Variants in ADGRE1 observed in about 807,000 individuals in gnomAD.
The protein encoded by ADGRE1 is EGF-like module receptor 1.
A neutral mutation model predicts 102.7 loss-of-function variants in ADGRE1; 82 were observed. The ratio of observed to expected loss-of-function variants is 0.80; its 90% CI spans 0.67 to 0.96. The LOEUF is 0.96. Among genes scored for constraint, ADGRE1 ranks in the 40% least tolerant of loss-of-function variants. The probability of loss-of-function intolerance (pLI) is 0.00; values close to 1 mark genes in which losing one functional copy is unlikely to be tolerated. For synonymous variants in ADGRE1, 398 were observed against 399.6 expected (o/e 1.00, Z 0.05); for missense variants, 1,032 against 1,085.3 (o/e 0.95, Z 0.69).
chr19:6,928,360 T>C (rs905628409), intron 17 of ADGRE1, 149 bp downstream of exon 17: 81 of 1,510,714 alleles, frequency 5.4e-5, no homozygotes, highest in Non-Finnish European at 6.9e-5. Flanking sequence ...GCGTGGTGGC[T>C]CACGCCTGTA....
intron 10 of ADGRE1, 87 bp from the exon 11 acceptor site, chr19:6,913,566 C>T (rs897075276): frequency 1.5e-6 from 2 of 1,307,242 alleles, no homozygotes; most frequent in Admixed American, 2.6e-5. Flanking sequence ...GATGGACTCC[C>T]AGCCTATTCT....
intron 17 of ADGRE1, among the ~76,000 whole-genome samples, chr19:6,934,024 G>A (rs149412735): frequency 5.3e-4 from 81 of 152,278 alleles, no homozygotes; most frequent in Non-Finnish European, 9.8e-4. Flanking sequence ...TTGAGAACAA[G>A]CAAAGGCTGT....
At position 6,924,843 on chromosome 19, in the gene ADGRE1, C is replaced by T; in HGVS notation, c.1957C>T (p.Leu653Phe). 6.2e-7 allele frequency: 1 copy of T among 1,614,160 alleles called. No individual in the cohort carries two copies. The highest frequency in any genetic ancestry group is 8.5e-7 in the Non-Finnish European group (1 of 1,180,032). ...TCTCCTCTTGGCGAAGACTCTCTTC[C>T]TCGCCGGTATACACAAGACTGACAA... ...VCLLLAKTLF[L>F]AGIHKTDNKM... Residue 653 changes from leucine to phenylalanine, a missense_variant, in exon 15 of 21, where the codon CTC becomes TTC. Coordinates refer to ENST00000312053, the MANE Select transcript of ADGRE1 (RefSeq NM_001974.5).
chr19:6,904,574 T>C (rs1973886741), intron 8 of ADGRE1, among the ~76,000 whole-genome samples: 1 of 151,728 alleles, frequency 6.6e-6, no homozygotes, highest in Admixed American at 6.6e-5. Flanking sequence ...GGCAGGATCT[T>C]GGCTCACTGC....
chr19:6,926,404 T>G lies in ADGRE1; in HGVS notation c.2025T>G (p.Leu675=). 1.2e-6 allele frequency: 2 copies of G among 1,614,234 alleles called. No individual in the cohort carries two copies. Among genetic ancestry groups the G allele is most frequent in the Non-Finnish European group, 1.7e-6 (2 of 1,180,042 alleles). Residue 675 remains leucine (L), a synonymous_variant, in exon 16 of 21, where the codon CTT becomes CTG. Transcript: ENST00000312053. ...CAIIAGFLHY[L]FLACFFWMLV... ...TCATCGCGGGCTTCCTGCACTACCTTTTCCTTGCCTGCTTCTTCTGGATGC... is the reference window on the plus strand; with the variant it reads ...TCATCGCGGGCTTCCTGCACTACCTGTTCCTTGCCTGCTTCTTCTGGATGC...
chr19:6,896,926 A>G (rs527900858), intron 3 of ADGRE1: 103 of 560,442 alleles, frequency 1.8e-4, no homozygotes, highest in East Asian at 1.5e-3. Context: ...AGAACAAGGT[A>G]GAACTACATG....
intron 17 of ADGRE1, among the ~76,000 whole-genome samples, chr19:6,929,374 C>T (rs1975051792): frequency 6.6e-6 from 1 of 152,128 alleles, no homozygotes; most frequent in African/African-American, 2.4e-5. Flanking sequence ...TGGTTGGACC[C>T]AGTGTGACAT....
chr19:6,898,873 A>G (rs1445374178), intron 5 of ADGRE1, among the ~76,000 whole-genome samples: 1 of 152,066 alleles, frequency 6.6e-6, no homozygotes, highest in Non-Finnish European at 1.5e-5. Flanking sequence ...TTTACATGTT[A>G]GGTAGGTCTC....
rs938563666 is a variant in ADGRE1, at chr19:6,919,628, C to T, written c.1501C>T (p.Pro501Ser). ...NERFFKDHQA[P>S]LTTSEIKLKM... ...GCGCTTCTTCAAAGACCACCAGGCTCCCTTGACCACCTCTGAGATCAAGCT... is the reference window on the plus strand; with the variant it reads ...GCGCTTCTTCAAAGACCACCAGGCTTCCTTGACCACCTCTGAGATCAAGCT... Residue 501 changes from proline (P) to serine (S), a missense_variant, in exon 13 of 21, where the codon CCC becomes TCC. Physicochemically the swap from Pro to Ser is moderately conservative, Grantham distance 74. Coordinates refer to ENST00000312053, the MANE Select transcript of ADGRE1 (RefSeq NM_001974.5). The T allele has an allele frequency of 3.7e-6, 6 of 1,613,348 alleles. No individual in the cohort carries two copies. The African/African-American group carries it at 8.0e-5, about 22-fold the overall frequency.
chr19:6,922,610 TCTCACACACA>T (rs369738206), intron 14 of ADGRE1, among the ~76,000 whole-genome samples: 15,819 of 119,908 alleles, frequency 0.13, 896 homozygotes, highest in Middle Eastern at 0.24. Context: ...TGAGACTCTG[TCTCACACACA>T]CACACACACA....
Position 6,937,549 on chromosome 19 carries a change from A to C in ADGRE1, c.2556A>C (p.Arg852=), listed in dbSNP as rs1334131017. ...LIHCLLNGQV[R]EEYKRWITGK... Reference sequence around the variant, plus strand: ...TGATGTGTCTCCTTCTCCAGGTACGAGAAGAATACAAGAGGTGGATCACTG... The same window carrying C: ...TGATGTGTCTCCTTCTCCAGGTACGCGAAGAATACAAGAGGTGGATCACTG... Residue 852 remains arginine (R), a synonymous_variant, in exon 20 of 21, where the codon CGA becomes CGC. Transcript: ENST00000312053. The C allele has an allele frequency of 4.3e-6, 7 of 1,613,446 alleles. No homozygotes were observed. The highest frequency in any genetic ancestry group is 1.1e-5 in the South Asian group (1 of 91,050).
At chr19:6,894,698 G>A (rs1973488539) in intron 2 of ADGRE1, among the ~76,000 whole-genome samples, 1 of 152,184 alleles carries the variant, frequency 6.6e-6, no homozygotes, top group African/African-American at 2.4e-5. Context: ...GTGGAGGTGG[G>A]AGATCAAATG....
In ADGRE1 at chr19:6,897,271, G is replaced by C; in HGVS notation, c.361G>C (p.Val121Leu). ...CTCTTCTCCCACTGGAAATGACTGGGTCCCAGGAAAGCCGGGCAATTTCTC... is the reference window on the plus strand; with the variant it reads ...CTCTTCTCCCACTGGAAATGACTGGCTCCCAGGAAAGCCGGGCAATTTCTC... ...GFSSPTGNDW[V>L]PGKPGNFSCT... Residue 121 changes from valine (V) to leucine (L), a missense_variant, in exon 4 of 21, where the codon GTC (valine) becomes CTC (leucine). By Grantham distance (32) the Val-to-Leu change is conservative. Coordinates refer to ENST00000312053, the MANE Select transcript of ADGRE1 (RefSeq NM_001974.5). 1 of 1,613,748 alleles carries C rather than the reference G, an allele frequency of 6.2e-7. No individual in the cohort carries two copies. Among genetic ancestry groups the C allele is most frequent in the South Asian group, 1.1e-5 (1 of 91,058 alleles).
chr19:6,895,504 G>A (rs1973517442), intron 2 of ADGRE1: 1 of 152,166 alleles, frequency 6.6e-6, no homozygotes, highest in South Asian at 2.1e-4. Flanking sequence ...TCTAGTGCTT[G>A]GATGTTCATG....
At chr19:6,913,855 G>T (rs777031810) in intron 11 of ADGRE1, 25 bp downstream of exon 11, 2 of 1,528,752 alleles carry the variant, frequency 1.3e-6, no homozygotes, top group Admixed American at 3.9e-5. Context: ...TTGTGGCAAG[G>T]TTACACCTAG....
intron 3 of ADGRE1, 76 bp from the exon 4 acceptor site, chr19:6,897,071 CTT>C (rs11397719): frequency 0.042 from 31,995 of 753,682 alleles, no homozygotes; most frequent in Non-Finnish European, 0.046. Context: ...ATTGTTTTAA[CTT>C]TTTTTTTTTT....
intron 15 of ADGRE1, 62 bp from the exon 16 acceptor site, chr19:6,926,304 T>C: frequency 6.4e-7 from 1 of 1,574,630 alleles, no homozygotes; most frequent in South Asian, 1.1e-5. Flanking sequence ...TCTCTCTTCC[T>C]TTCTTCCTTT....
intron 18 of ADGRE1, among the ~76,000 whole-genome samples, chr19:6,935,429 C>T (rs1055078785): frequency 1.3e-5 from 2 of 152,170 alleles, no homozygotes; most frequent in Non-Finnish European, 2.9e-5. Context: ...TAATTTTTCT[C>T]TGTGTATACT....
At chr19:6,907,486 C>A (rs144786486) in intron 9 of ADGRE1, among the ~76,000 whole-genome samples, 1,900 of 152,048 alleles carry the variant, frequency 0.012, 14 homozygotes, top group Non-Finnish European at 0.021. Flanking sequence ...ACTACAGGCA[C>A]CCACCACCAT....
Sources: gnomAD v4.1 joint callset for allele counts (sites outside exome capture counted in the v4.1 genomes callset) on GRCh38, gnomAD v4.1.1 for gene constraint, MANE v1.5 for transcripts, NCBI Gene and HGNC (gene_info 2026-07-23, HGNC 2026-07-21) for gene names.